Variants in RAPGEF5 observed in about 807,000 individuals in gnomAD.
The protein encoded by RAPGEF5 is M-Ras-regulated GEF.
In RAPGEF5, 65 loss-of-function variants were observed where a neutral mutation model predicts 125.2. The observed-to-expected ratio is 0.52, with a 90% CI of 0.43 to 0.64. The LOEUF (loss-of-function observed/expected upper bound fraction) is 0.64. Ranked by LOEUF, RAPGEF5 falls within the 30% of genes least tolerant of loss-of-function variation. RAPGEF5 has a pLI of 0.00. For synonymous variants in RAPGEF5, 391 were observed against 385.9 expected, an observed-to-expected ratio of 1.01 and a Z score of -0.16; for missense variants, 958 against 1,048.1, an observed-to-expected ratio of 0.91 and a Z score of 1.19.
intron 1 of RAPGEF5, among the ~76,000 whole-genome samples, chr7:22,318,826 T>C (rs922659476): frequency 2.0e-5 from 3 of 152,198 alleles, no homozygotes; most frequent in Admixed American, 6.5e-5. Context: ...TTTGCTACTA[T>C]TCAGGTGCAG....
Position 22,146,888 on chromosome 7 carries a change from C to G in RAPGEF5, c.2007+9G>C, listed in dbSNP as rs376668215. 263 of 1,608,096 alleles carry G rather than the reference C, an allele frequency of 1.6e-4. 1 individual carries two copies. The highest frequency in any genetic ancestry group is 6.1e-4 in the South Asian group (55 of 89,584). On this transcript the variant is annotated intron_variant, in intron 19 of 25. Coordinates refer to ENST00000665637, the MANE Select transcript of RAPGEF5 (RefSeq NM_012294.5). ...GCATTTGTATTTTATCTTGTCACTC[C>G]TCATTTACCTCGTGAATTGAATTGA... is the stretch of plus-strand genomic sequence containing the variant.
At chr7:22,169,859 C>CAAAAAAAATA in intron 11 of RAPGEF5, among the ~76,000 whole-genome samples, 1 of 25,946 alleles carries the variant, frequency 3.9e-5, no homozygotes, top group Admixed American at 8.1e-4. Context: ...GACTCTGTGT[C>CAAAAAAAATA]AAAAAAAAAA....
chr7:22,188,294 T>C (rs1388678167), intron 11 of RAPGEF5, among the ~76,000 whole-genome samples: 1 of 152,208 alleles, frequency 6.6e-6, no homozygotes, highest in African/African-American at 2.4e-5. Flanking sequence ...ACTTACGTTG[T>C]CTTCTATCTT....
At chr7:22,125,066 A>G (rs930271309) in intron 25 of RAPGEF5, among the ~76,000 whole-genome samples, 14 of 152,176 alleles carry the variant, frequency 9.2e-5, no homozygotes, top group Non-Finnish European at 2.1e-4. Context: ...TCCTACATAC[A>G]TTAGTCTCAG....
chr7:22,134,300 A>G (rs549922218), intron 23 of RAPGEF5, among the ~76,000 whole-genome samples: 1 of 152,366 alleles, frequency 6.6e-6, no homozygotes, highest in African/African-American at 2.4e-5. Context: ...ACAAAAAATT[A>G]AGACAAAGGA....
intron 5 of RAPGEF5, among the ~76,000 whole-genome samples, chr7:22,303,701 AG>A: frequency 6.6e-6 from 1 of 152,380 alleles, no homozygotes; most frequent in South Asian, 2.1e-4. Flanking sequence ...AAGAATCAAG[AG>A]GGCACTTGAA....
At chr7:22,227,656 A>G (rs1053384197) in intron 8 of RAPGEF5, among the ~76,000 whole-genome samples, 9 of 152,128 alleles carry the variant, frequency 5.9e-5, no homozygotes, top group African/African-American at 2.2e-4. Context: ...CCTGGGCAAC[A>G]TAGCAAAACC....
chr7:22,321,493 C>G (rs1783713988), intron 1 of RAPGEF5, among the ~76,000 whole-genome samples: 1 of 152,106 alleles, frequency 6.6e-6, no homozygotes, highest in Non-Finnish European at 1.5e-5. Context: ...AAGGAGATGC[C>G]TTAATACTAT....
intron 20 of RAPGEF5, among the ~76,000 whole-genome samples, chr7:22,141,809 A>G (rs1041974893): frequency 2.0e-5 from 3 of 151,880 alleles, no homozygotes; most frequent in Non-Finnish European, 4.4e-5. Context: ...CATCCAAGTG[A>G]CCCCTTACGT....
intron 11 of RAPGEF5, among the ~76,000 whole-genome samples, chr7:22,176,916 G>A (rs1287345636): frequency 6.6e-6 from 1 of 152,136 alleles, no homozygotes; most frequent in African/African-American, 2.4e-5. Context: ...TTAATGTATT[G>A]CCTGTATTTA....
At position 22,156,932 on chromosome 7, in the gene RAPGEF5, C is replaced by A. The variant is rs753918396; in HGVS notation, c.1558-44G>T. On this transcript the variant is annotated intron_variant, in intron 15 of 25. Transcript: ENST00000665637. The stretch of plus-strand genomic sequence containing the variant: ...AGAACAATGAATGAATACATTCCTG[C>A]CCTTTGGAAAACCATAGCTGTTTAC... 6.8e-6 allele frequency: 11 copies of A among 1,610,442 alleles called. No homozygotes were observed. In the South Asian group the frequency reaches 1.1e-4, roughly 16 times the overall value.
chr7:22,302,829 A>G (rs1783243502), intron 5 of RAPGEF5, among the ~76,000 whole-genome samples: 1 of 149,190 alleles, frequency 6.7e-6, no homozygotes, highest in South Asian at 2.1e-4. Context: ...ATGTAGACAA[A>G]CATCAGATCA....
chr7:22,345,333 CAG>C (rs1341797054), intron 1 of RAPGEF5, among the ~76,000 whole-genome samples: 1 of 152,164 alleles, frequency 6.6e-6, no homozygotes, highest in African/African-American at 2.4e-5. Flanking sequence ...TTCAGCTCTT[CAG>C]AGAGACTAAC....
chr7:22,282,621 C>T (rs1338702615), intron 6 of RAPGEF5, among the ~76,000 whole-genome samples: 2 of 152,168 alleles, frequency 1.3e-5, no homozygotes, highest in African/African-American at 4.8e-5. Flanking sequence ...CTCTCCAATG[C>T]AATGGTAATA....
In RAPGEF5 at chr7:22,122,516, G is replaced by T; in HGVS notation, c.2542C>A (p.Leu848Met). 6.2e-7 allele frequency: 1 copy of T among 1,610,604 alleles called. No individual in the cohort carries two copies. The highest frequency in any genetic ancestry group is 1.1e-5 in the South Asian group (1 of 90,960). The change falls in exon 26 of 26, where the codon CTG becomes ATG. Residue 848 changes from leucine to methionine, a missense_variant. Physicochemically the swap from Leu to Met is conservative, Grantham distance 15 (BLOSUM62 2). Transcript: ENST00000665637. ...RHCRTNQFGD[L>M]SPKEHQELKS... ...AACTCTTGATGCTCTTTTGGAGACAGGTCACCTGTTGTTTAGAGGGGGAAA... is the reference window on the plus strand; with the variant it reads ...AACTCTTGATGCTCTTTTGGAGACATGTCACCTGTTGTTTAGAGGGGGAAA...
chr7:22,193,313 G>A, intron 11 of RAPGEF5, 54 bp downstream of exon 11: 1 of 1,530,446 alleles, frequency 6.5e-7, no homozygotes, highest in Non-Finnish European at 8.8e-7. Flanking sequence ...TGAGGGTACT[G>A]ACAAGGGCAT....
At chr7:22,257,887 G>C (rs1782042264) in intron 7 of RAPGEF5, among the ~76,000 whole-genome samples, 1 of 151,434 alleles carries the variant, frequency 6.6e-6, no homozygotes, top group South Asian at 2.1e-4. Flanking sequence ...TAAAGTCAGG[G>C]GCAAAATAAG....
intron 9 of RAPGEF5, among the ~76,000 whole-genome samples, chr7:22,213,849 G>A (rs1305879349): frequency 4.6e-5 from 7 of 152,090 alleles, no homozygotes; most frequent in African/African-American, 1.7e-4. Context: ...AAATAATGCT[G>A]GGATTGCTTG....
At chr7:22,175,372 G>GT (rs1784471868) in intron 11 of RAPGEF5, among the ~76,000 whole-genome samples, 1 of 152,096 alleles carries the variant, frequency 6.6e-6, no homozygotes, top group Non-Finnish European at 1.5e-5. Context: ...ATATCACACT[G>GT]TTTTTTCTTT....
Sources: gnomAD v4.1 joint callset for allele counts (sites outside exome capture counted in the v4.1 genomes callset) on GRCh38, gnomAD v4.1.1 for gene constraint, MANE v1.5 for transcripts, NCBI Gene and HGNC (gene_info 2026-07-23, HGNC 2026-07-21) for gene names.